The following KLF9 variants were observed in gnomAD, a reference collection of about 807,000 sequenced individuals.
KLF9 encodes the protein KLF transcription factor 9, also known as Krueppel-like factor 9.
Under a neutral mutation model 17.3 loss-of-function variants are expected in KLF9, and 2 were observed. The observed-to-expected ratio is 0.12, with a 90% CI of 0.05 to 0.36. The LOEUF (loss-of-function observed/expected upper bound fraction) is 0.36. KLF9 is among the 10% of genes least tolerant of loss of function. KLF9 has a pLI of 1.00. For missense variants in KLF9, 226 were observed against 333.2 expected (o/e 0.68, Z 2.51); for synonymous variants, 138 against 139.2 (o/e 0.99, Z 0.06).
At chr9:70,402,693 T>C (rs2037229915) in intron 1 of KLF9, among the ~76,000 whole-genome samples, 1 of 152,214 alleles carries the variant, frequency 6.6e-6, no homozygotes, top group Non-Finnish European at 1.5e-5. Context: ...GCAAAGACCC[T>C]TCTGTACATT....
chr9:70,411,484 A>G lies in KLF9; in HGVS notation c.505+1375T>C, dbSNP rs370515166. Among the ~76,000 whole-genome samples, 118 of 152,358 alleles carry G rather than the reference A, an allele frequency of 7.7e-4. 1 individual carries two copies. The South Asian group carries it at 0.022, about 28-fold the overall frequency. On this transcript the variant is annotated intron_variant, in intron 1 of 1. Coordinates refer to ENST00000377126, the MANE Select transcript of KLF9 (RefSeq NM_001206.4). ...CCTTAAAATGTGCTGTTTTATGGCA[A>G]CCTAAATGATGACCCCAAACAGAAC...
At chr9:70,403,853 C>G (rs2037240227) in intron 1 of KLF9, among the ~76,000 whole-genome samples, 1 of 152,090 alleles carries the variant, frequency 6.6e-6, no homozygotes, top group African/African-American at 2.4e-5. Context: ...CACTCCTAAC[C>G]GAGGTTCATG....
chr9:70,386,219 C>T lies in KLF9; in HGVS notation c.*1557G>A, dbSNP rs1213124538. On this transcript the variant is annotated 3_prime_UTR_variant, in exon 2 of 2. Transcript: ENST00000377126. ...TCCCCCATGATCACTGCTGACTCCCCTCATTTGAGGTCTTAACTACGAAAA... is the reference window on the plus strand; with the variant it reads ...TCCCCCATGATCACTGCTGACTCCCTTCATTTGAGGTCTTAACTACGAAAA... The T allele has an allele frequency of 2.6e-5, 4 of 152,684 alleles. No homozygotes were observed. The East Asian group carries it at 7.7e-4, about 29-fold the overall frequency. The allele number at this position is 152,684 out of a possible 1,614,324, so 9.5% of individuals were successfully genotyped here. A position where few individuals can be genotyped will look rare whatever the true frequency, so the allele number is the denominator to read the frequency against.
chr9:70,402,915 C>T (rs547703439), intron 1 of KLF9, among the ~76,000 whole-genome samples: 3 of 151,992 alleles, frequency 2.0e-5, no homozygotes, highest in Non-Finnish European at 4.4e-5. Flanking sequence ...TTTGAGAGGC[C>T]GAGGCGGGTG....
At chr9:70,390,199 C>G (rs1171824934) in intron 1 of KLF9, among the ~76,000 whole-genome samples, 2 of 152,080 alleles carry the variant, frequency 1.3e-5, no homozygotes, top group African/African-American at 4.8e-5. Context: ...TCGAGGAAAC[C>G]CAATGTGGGT....
At position 70,408,923 on chromosome 9, in the gene KLF9, G is replaced by A. The variant is rs532031954; in HGVS notation, c.505+3936C>T. On this transcript the variant is annotated intron_variant, in intron 1 of 1. Transcript: ENST00000377126. ...TCGAAGAGGCTAAGGAGCAGAAGCC[G>A]CCACTCCGGGCTTTTGTAGCCCCCA... Among the ~76,000 whole-genome samples the A allele has an allele frequency of 1.7e-4, 26 of 148,922 alleles. No homozygotes were observed. The South Asian group carries it at 4.7e-3, about 27-fold the overall frequency.
intron 1 of KLF9, among the ~76,000 whole-genome samples, chr9:70,401,086 C>A (rs2037217684): frequency 6.7e-6 from 1 of 148,932 alleles, no homozygotes; most frequent in Non-Finnish European, 1.5e-5. Flanking sequence ...GTAATCCCAA[C>A]AGTTTGGGAG....
intron 1 of KLF9, among the ~76,000 whole-genome samples, chr9:70,398,178 G>C (rs2037196096): frequency 6.6e-6 from 1 of 152,276 alleles, no homozygotes; most frequent in Middle Eastern, 3.4e-3. Flanking sequence ...ACTGAATCCT[G>C]CTTGTGATTT....
At chr9:70,393,074 T>C (rs1390607639) in intron 1 of KLF9, among the ~76,000 whole-genome samples, 1 of 152,160 alleles carries the variant, frequency 6.6e-6, no homozygotes, top group Non-Finnish European at 1.5e-5. Context: ...GCTAAGCACC[T>C]CTTGCTGACT....
chr9:70,402,262 G>C (rs1399320171), intron 1 of KLF9, among the ~76,000 whole-genome samples: 1 of 152,100 alleles, frequency 6.6e-6, no homozygotes, highest in Non-Finnish European at 1.5e-5. Context: ...CAAAACTACT[G>C]TAGAATTACA....
chr9:70,395,882 C>T (rs2037179206), intron 1 of KLF9, among the ~76,000 whole-genome samples: 1 of 152,148 alleles, frequency 6.6e-6, no homozygotes, highest in Non-Finnish European at 1.5e-5. Context: ...TTGCAGTAAG[C>T]TGAGATTGTG....
chr9:70,408,984 C>CTATA (rs559953663), intron 1 of KLF9, among the ~76,000 whole-genome samples: 2 of 99,412 alleles, frequency 2.0e-5, no homozygotes, highest in East Asian at 2.9e-4. Context: ...TCCTTTTGCA[C>CTATA]TATATATATA....
Position 70,413,902 on chromosome 9 carries a change from T to G in KLF9, c.-539A>C, listed in dbSNP as rs1458190293. The G allele has an allele frequency of 6.5e-6, 1 of 152,690 alleles. No homozygotes were observed. 9.5% of individuals were successfully genotyped at this position (152,690 alleles called of 1,614,324 possible). ...ACTTTTTCCCGAGTCCACTGACGGC[T>G]TCTGAACCCCTGCTCCGGCCGGTCC... On this transcript the variant is annotated 5_prime_UTR_variant, in exon 1 of 2. Coordinates refer to ENST00000377126, the MANE Select transcript of KLF9 (RefSeq NM_001206.4). The surrounding 1 kb of genome is among the most constrained non-coding windows in gnomAD (Gnocchi z 5.6).
chr9:70,409,129 TGTATAC>T (rs2037287705), intron 1 of KLF9, among the ~76,000 whole-genome samples: 7 of 79,000 alleles, frequency 8.9e-5, no homozygotes, highest in Admixed American at 8.4e-4. Flanking sequence ...TATGTATATA[TGTATAC>T]ATATATATGT....
At chr9:70,402,635 G>C (rs756940510) in intron 1 of KLF9, among the ~76,000 whole-genome samples, 10 of 152,094 alleles carry the variant, frequency 6.6e-5, no homozygotes, top group Admixed American at 1.3e-4. Flanking sequence ...AGGGCCAGTG[G>C]GTGTTTGCCT....
intron 1 of KLF9, among the ~76,000 whole-genome samples, chr9:70,389,672 G>A (rs982869930): frequency 6.6e-6 from 1 of 152,176 alleles, no homozygotes; most frequent in African/African-American, 2.4e-5. Context: ...TGAAGGCAGG[G>A]GAGGTGAAGG....
At position 70,385,645 on chromosome 9, in the gene KLF9, A is replaced by C. The variant is rs1486499981; in HGVS notation, c.*2131T>G. ...CCAAACTCCTCACTCACTAAAAGGC[A>C]GCGTGCAGAGTATCATAAGCAGAAC... On this transcript the variant is annotated 3_prime_UTR_variant, in exon 2 of 2. Transcript: ENST00000377126. The C allele has an allele frequency of 6.6e-6, 1 of 152,658 alleles. No individual in the cohort carries two copies. The highest frequency in any genetic ancestry group is 2.4e-5 in the African/African-American group (1 of 41,470). The allele number at this position is 152,658 out of a possible 1,614,324, so 9.5% of individuals were successfully genotyped here. A position where few individuals can be genotyped will look rare whatever the true frequency, so the allele number is the denominator to read the frequency against.
At chr9:70,397,303 T>C (rs184268636) in intron 1 of KLF9, among the ~76,000 whole-genome samples, 44 of 152,062 alleles carry the variant, frequency 2.9e-4, no homozygotes, top group South Asian at 4.2e-4. Flanking sequence ...GGTGAAACCC[T>C]GTCTCTACTA....
At chr9:70,398,948 C>T (rs1044731432) in intron 1 of KLF9, among the ~76,000 whole-genome samples, 1 of 152,212 alleles carries the variant, frequency 6.6e-6, no homozygotes, top group East Asian at 1.9e-4. Flanking sequence ...ATCCTCCCAC[C>T]TCAGCTTCCC....
Sources: gnomAD v4.1 joint callset for allele counts (sites outside exome capture counted in the v4.1 genomes callset) on GRCh38, gnomAD v4.1.1 for gene constraint, Gnocchi (gnomAD v3.1) non-coding constraint, MANE v1.5 for transcripts, NCBI Gene and HGNC (gene_info 2026-07-23, HGNC 2026-07-21) for gene names.